PREX2: variants seen among roughly 807,000 people sequenced by gnomAD.
The protein encoded by PREX2 is phosphatidylinositol-3,4,5-trisphosphate dependent Rac exchange factor 2.
Under a neutral mutation model 203.2 loss-of-function variants are expected in PREX2, and 107 were observed. That is an observed-to-expected ratio of 0.53 (90% CI 0.45 to 0.62). The LOEUF (loss-of-function observed/expected upper bound fraction) is 0.62. PREX2 is among the 20% of genes least tolerant of loss of function. The pLI is 0.00. For missense variants in PREX2, 1,777 were observed against 1,955.9 expected, an observed-to-expected ratio of 0.91 and a Z score of 1.72; for synonymous variants, 672 against 663.6, an observed-to-expected ratio of 1.01 and a Z score of -0.19.
At chr8:68,084,314 A>T (rs909363272) in intron 18 of PREX2, among the ~76,000 whole-genome samples, 7 of 152,186 alleles carry the variant, frequency 4.6e-5, no homozygotes, top group Non-Finnish European at 7.4e-5. Context: ...TTTAAAGCAA[A>T]TGAAATTTAG....
intron 39 of PREX2, among the ~76,000 whole-genome samples, chr8:68,230,014 A>C (rs990464004): frequency 6.6e-5 from 10 of 152,342 alleles, no homozygotes; most frequent in African/African-American, 2.4e-4. Flanking sequence ...TCTTTATTTC[A>C]GTATTCGCCT....
Position 68,097,131 on chromosome 8 carries a change from C to G in PREX2, c.2483C>G (p.Thr828Arg). 6.2e-7 allele frequency: 1 copy of G among 1,614,008 alleles called. No homozygotes were observed. The highest frequency in any genetic ancestry group is 1.3e-5 in the African/African-American group (1 of 75,020). The change falls in exon 22 of 40, where the codon ACA (threonine) becomes AGA (arginine). Residue 828 changes from threonine to arginine, a missense_variant. Thr to Arg is a moderately conservative substitution (Grantham distance 71). Coordinates refer to ENST00000288368, the MANE Select transcript of PREX2 (RefSeq NM_024870.4). ...EYGVVYEYDS[T>R]AGIKCNVVEK... is the part of the protein sequence containing the mutation. ...GGTGTCGTGTATGAGTACGACAGCA[C>G]AGCTGGCATCAAGTGCAATGTGGTG... is the stretch of plus-strand genomic sequence containing the variant.
At chr8:68,131,965 T>C (rs1424152133) in intron 31 of PREX2, among the ~76,000 whole-genome samples, 1 of 152,136 alleles carries the variant, frequency 6.6e-6, no homozygotes, top group Non-Finnish European at 1.5e-5. Flanking sequence ...CTATAGAACA[T>C]ATGAAAAACA....
chr8:68,211,619 C>A (rs1812743957), intron 37 of PREX2, among the ~76,000 whole-genome samples: 1 of 152,286 alleles, frequency 6.6e-6, no homozygotes, highest in East Asian at 1.9e-4. Context: ...GTCGAAGTAA[C>A]CTGGGTACAG....
chr8:68,196,733 CA>C (rs111809494), intron 37 of PREX2, among the ~76,000 whole-genome samples: 2,833 of 150,754 alleles, frequency 0.019, 104 homozygotes, highest in African/African-American at 0.067. Context: ...CTCCCCCCCC[CA>C]ACTCTCTCTT....
chr8:68,169,370 A>G (rs1476418436), intron 35 of PREX2, among the ~76,000 whole-genome samples: 1 of 151,930 alleles, frequency 6.6e-6, no homozygotes, highest in Non-Finnish European at 1.5e-5. Context: ...AAGTCAATGA[A>G]TTTCACTACA....
At chr8:68,175,030 A>G (rs894162894) in intron 35 of PREX2, among the ~76,000 whole-genome samples, 1 of 152,222 alleles carries the variant, frequency 6.6e-6, no homozygotes, top group African/African-American at 2.4e-5. Flanking sequence ...GGAAGAGTCA[A>G]TGAAACCAAC....
intron 35 of PREX2, among the ~76,000 whole-genome samples, chr8:68,164,998 T>A (rs998621621): frequency 6.6e-6 from 1 of 151,134 alleles, no homozygotes; most frequent in Non-Finnish European, 1.5e-5. Flanking sequence ...ACCCAGGCCC[T>A]GGTGGTAAAA....
chr8:68,211,838 G>A (rs1210257822), intron 37 of PREX2, among the ~76,000 whole-genome samples: 1 of 152,186 alleles, frequency 6.6e-6, no homozygotes, highest in Admixed American at 6.5e-5. Flanking sequence ...GGACAAGGAA[G>A]TGGAAAGTGG....
chr8:68,105,282 T>C lies in PREX2; in HGVS notation c.2716-2827T>C, dbSNP rs1319556910. On this transcript the variant is annotated intron_variant, in intron 23 of 39. Transcript: ENST00000288368. ...GCTGCCTCCTCCTCTCTTAGGAATA[T>C]CCCAGGATGGAAGACAGCACTGCAT... 2.9e-6 allele frequency: 4 copies of C among 1,367,652 alleles called. No individual in the cohort carries two copies. In the African/African-American group the frequency reaches 5.9e-5, roughly 20 times the overall value. 84.7% of individuals were successfully genotyped at this position (1,367,652 alleles called of 1,614,324 possible).
chr8:68,047,099 A>G (rs1464886064), intron 8 of PREX2, among the ~76,000 whole-genome samples: 2 of 152,004 alleles, frequency 1.3e-5, no homozygotes, highest in African/African-American at 2.4e-5. Context: ...AGAAGGACCA[A>G]GTGGAGAGCA....
intron 1 of PREX2, among the ~76,000 whole-genome samples, chr8:67,993,181 A>G (rs569489674): frequency 1.3e-5 from 2 of 152,258 alleles, no homozygotes; most frequent in South Asian, 2.1e-4. Context: ...TTAAATATAA[A>G]TAGTTTTCTC....
intron 1 of PREX2, among the ~76,000 whole-genome samples, chr8:67,960,487 C>G (rs1176653276): frequency 2.0e-5 from 3 of 152,102 alleles, no homozygotes; most frequent in African/African-American, 7.2e-5. Flanking sequence ...CTTTTCCAAG[C>G]CTGGAGGCAT....
chr8:68,194,557 G>C (rs62520561), intron 37 of PREX2, among the ~76,000 whole-genome samples: 54,008 of 151,384 alleles, frequency 0.36, 9,877 homozygotes, highest in Middle Eastern at 0.4. Flanking sequence ...GGAAGCTCAG[G>C]TGGGTGGATC....
intron 37 of PREX2, among the ~76,000 whole-genome samples, chr8:68,209,104 A>T (rs1167842515): frequency 6.6e-6 from 1 of 151,652 alleles, no homozygotes; most frequent in Non-Finnish European, 1.5e-5. Context: ...AGAAAAAAGA[A>T]AAAAAGGAAG....
intron 25 of PREX2, among the ~76,000 whole-genome samples, chr8:68,114,703 C>T (rs1362228828): frequency 6.6e-6 from 1 of 152,124 alleles, no homozygotes; most frequent in African/African-American, 2.4e-5. Flanking sequence ...AGATTTGGGA[C>T]ATTTCATCCT....
chr8:68,090,774 G>A (rs1809847823), intron 20 of PREX2, 59 bp downstream of exon 20: 1 of 1,469,792 alleles, frequency 6.8e-7, no homozygotes. Context: ...GACCTAAGGG[G>A]TTGAGGTGGG....
intron 1 of PREX2, among the ~76,000 whole-genome samples, chr8:67,973,713 T>A (rs1399438757): frequency 6.6e-6 from 1 of 152,192 alleles, no homozygotes; most frequent in African/African-American, 2.4e-5. Flanking sequence ...TGTATGTGGG[T>A]TTTGTGATAA....
chr8:68,216,014 TTAATAA>T (rs983851658), intron 37 of PREX2, among the ~76,000 whole-genome samples: 1 of 152,190 alleles, frequency 6.6e-6, no homozygotes, highest in African/African-American at 2.4e-5. Flanking sequence ...TGAACATGTG[TTAATAA>T]TAATAATGAA....
Sources: allele counts gnomAD v4.1 joint callset (sites outside exome capture counted in the v4.1 genomes callset), GRCh38; gene constraint gnomAD v4.1.1; transcripts MANE v1.5; gene names NCBI Gene and HGNC (gene_info 2026-07-23, HGNC 2026-07-21).